Variants in CTNNA3 observed in about 807,000 individuals in gnomAD.
The protein encoded by CTNNA3 is catenin alpha 3, also known as catenin alpha-3.
Under a neutral mutation model 95.7 loss-of-function variants are expected in CTNNA3, and 76 were observed. That is an observed-to-expected ratio of 0.79 (90% CI 0.66 to 0.96). The LOEUF is 0.96. CTNNA3 is among the 40% of genes least tolerant of loss of function. CTNNA3 has a pLI of 0.00. For synonymous variants in CTNNA3, 431 were observed against 374.4 expected (o/e 1.15, Z -1.74); for missense variants, 1,191 against 1,089.8 (o/e 1.09, Z -1.31).
At chr10:66,693,397 A>T (rs1847634127) in intron 9 of CTNNA3, among the ~76,000 whole-genome samples, 1 of 148,310 alleles carries the variant, frequency 6.7e-6, no homozygotes, top group Non-Finnish European at 1.5e-5. Flanking sequence ...GATCAATTCA[A>T]CAAGAAGAGC....
chr10:67,095,871 T>TA (rs748723552), intron 7 of CTNNA3, among the ~76,000 whole-genome samples: 65 of 152,016 alleles, frequency 4.3e-4, no homozygotes, highest in Non-Finnish European at 5.9e-4. Context: ...TACTTTTACA[T>TA]AAAAATGTAT....
intron 12 of CTNNA3, among the ~76,000 whole-genome samples, chr10:66,308,094 A>AT (rs2091956403): frequency 6.6e-6 from 1 of 152,202 alleles, no homozygotes; most frequent in East Asian, 1.9e-4. Context: ...AGGTGGCAGG[A>AT]TTTTTATGCT....
In CTNNA3 at chr10:66,989,309, T is replaced by C. The variant is rs182111682; in HGVS notation, c.1047+191008A>G. 1.9e-4 allele frequency among the ~76,000 whole-genome samples: 29 copies of C among 152,322 alleles called. No individual in the cohort carries two copies. In the East Asian group the frequency reaches 4.4e-3, roughly 23 times the overall value. On this transcript the variant is annotated intron_variant, in intron 7 of 17. Coordinates refer to ENST00000433211, the MANE Select transcript of CTNNA3 (RefSeq NM_013266.4). Reference sequence around the variant, plus strand: ...GCATAAAGTTCTCACATATTTAATATATGTCAACTTATTCCCTAAAAGTCC... The same window carrying C: ...GCATAAAGTTCTCACATATTTAATACATGTCAACTTATTCCCTAAAAGTCC...
chr10:67,175,732 A>G (rs555395083), intron 7 of CTNNA3, among the ~76,000 whole-genome samples: 37 of 152,134 alleles, frequency 2.4e-4, no homozygotes, highest in Non-Finnish European at 5.4e-4. Context: ...TATGTCACCT[A>G]TCTAACACAT....
At chr10:67,736,757 T>G (rs181296885) in intron 1 of CTNNA3, among the ~76,000 whole-genome samples, 18 of 152,118 alleles carry the variant, frequency 1.2e-4, no homozygotes, top group African/African-American at 4.3e-4. Flanking sequence ...GCCCACATTT[T>G]TTAAAAGAAC....
intron 13 of CTNNA3, among the ~76,000 whole-genome samples, chr10:66,249,734 C>A (rs1320961779): frequency 6.6e-6 from 1 of 151,916 alleles, no homozygotes; most frequent in Non-Finnish European, 1.5e-5. Flanking sequence ...TTCCTCAAAC[C>A]TCAAAATACT....
chr10:66,535,469 G>C (rs892786541), intron 10 of CTNNA3, among the ~76,000 whole-genome samples: 18 of 152,132 alleles, frequency 1.2e-4, no homozygotes, highest in Admixed American at 1.3e-4. Context: ...TGAGTAGTAG[G>C]ACACAAAGCT....
At chr10:65,951,911 T>C (rs2077622538) in intron 17 of CTNNA3, among the ~76,000 whole-genome samples, 1 of 151,084 alleles carries the variant, frequency 6.6e-6, no homozygotes, top group African/African-American at 2.4e-5. Flanking sequence ...GCACCTGTAG[T>C]CCCAGCTACT....
At chr10:66,169,656 C>G (rs551520102) in intron 13 of CTNNA3, among the ~76,000 whole-genome samples, 18 of 152,056 alleles carry the variant, frequency 1.2e-4, no homozygotes, top group Non-Finnish European at 2.5e-4. Context: ...AGAAGTGTTC[C>G]CTTTTCACTG....
intron 6 of CTNNA3, among the ~76,000 whole-genome samples, chr10:67,209,144 G>A (rs1864031561): frequency 1.3e-5 from 2 of 152,242 alleles, no homozygotes; most frequent in African/African-American, 4.8e-5. Context: ...TGCCTCCTGA[G>A]TTCCAGAGAT....
rs149843415 is a variant in CTNNA3 at position 67,133,619 on chromosome 10, A to C, written c.1047+46698T>G. On this transcript the variant is annotated intron_variant, in intron 7 of 17. Transcript: ENST00000433211. ...AAGGGATTAACAGGCTTAAGGGAAAAAAATGAAAGAATCAGGAGATTAAAA... is the reference window on the plus strand; with the variant it reads ...AAGGGATTAACAGGCTTAAGGGAAACAAATGAAAGAATCAGGAGATTAAAA... 1.0e-3 allele frequency among the ~76,000 whole-genome samples: 158 copies of C among 152,022 alleles called. 1 individual carries two copies. The East Asian group carries it at 0.026, about 25-fold the overall frequency.
chr10:67,611,317 C>A (rs1391894392), intron 2 of CTNNA3, among the ~76,000 whole-genome samples: 1 of 144,098 alleles, frequency 6.9e-6, no homozygotes, highest in Non-Finnish European at 1.5e-5. Context: ...AATATGTTGA[C>A]TTTTTTTTTT....
chr10:66,651,480 G>T (rs1405910765), intron 9 of CTNNA3, among the ~76,000 whole-genome samples: 1 of 152,150 alleles, frequency 6.6e-6, no homozygotes, highest in Non-Finnish European at 1.5e-5. Flanking sequence ...CAGCCCTTGG[G>T]GGGTCAATGG....
chr10:66,071,690 C>A (rs781750595), intron 14 of CTNNA3, among the ~76,000 whole-genome samples: 99 of 152,174 alleles, frequency 6.5e-4, no homozygotes, highest in Non-Finnish European at 1.2e-3. Flanking sequence ...TGTTTAGAAC[C>A]TAAGTTTCCA....
At chr10:67,004,805 T>C (rs1256968634) in intron 7 of CTNNA3, among the ~76,000 whole-genome samples, 5 of 152,214 alleles carry the variant, frequency 3.3e-5, no homozygotes, top group African/African-American at 1.2e-4. Flanking sequence ...TGCAAGTTTC[T>C]TGTTTCTGAT....
intron 7 of CTNNA3, among the ~76,000 whole-genome samples, chr10:66,786,283 G>T (rs1180447929): frequency 3.3e-5 from 5 of 151,926 alleles, no homozygotes; most frequent in Non-Finnish European, 2.9e-5. Context: ...CTCTTGCTGG[G>T]ACCCTAACTG....
At chr10:66,741,375 T>C (rs1465942928) in intron 9 of CTNNA3, among the ~76,000 whole-genome samples, 1 of 152,122 alleles carries the variant, frequency 6.6e-6, no homozygotes, top group Non-Finnish European at 1.5e-5. Context: ...CCAAAGTACT[T>C]TGTGAGTACC....
At chr10:66,326,911 G>A (rs2092260784) in intron 12 of CTNNA3, among the ~76,000 whole-genome samples, 1 of 152,090 alleles carries the variant, frequency 6.6e-6, no homozygotes, top group South Asian at 2.1e-4. Flanking sequence ...GGAAAACAAA[G>A]TAGGCAGAGA....
At chr10:66,201,610 T>C (rs1323175100) in intron 13 of CTNNA3, among the ~76,000 whole-genome samples, 20 of 152,080 alleles carry the variant, frequency 1.3e-4, no homozygotes, top group Admixed American at 1.3e-3. Flanking sequence ...ACTCTCTCCG[T>C]ATTTCAAAAT....
Sources: allele counts gnomAD v4.1 joint callset (sites outside exome capture counted in the v4.1 genomes callset), GRCh38; gene constraint gnomAD v4.1.1; transcripts MANE v1.5; gene names NCBI Gene and HGNC (gene_info 2026-07-23, HGNC 2026-07-21).